ATPSCKMT: variants seen among roughly 807,000 people sequenced by gnomAD.
The protein encoded by ATPSCKMT is ATP synthase c subunit lysine N-methyltransferase.
ATPSCKMT carries 24 observed loss-of-function variants against 24.3 expected under a neutral mutation model. That is an observed-to-expected ratio of 0.99 (90% CI 0.71 to 1.39). The LOEUF (loss-of-function observed/expected upper bound fraction) is 1.39, where lower values mean the gene tolerates loss of function less well. Ranked by LOEUF, ATPSCKMT falls within the 40% of genes most tolerant of loss-of-function variation. The pLI is 0.00. For synonymous variants in ATPSCKMT, 95 were observed against 110.5 expected (o/e 0.86, Z 0.88); for missense variants, 311 against 298.4 (o/e 1.04, Z -0.31).
rs1744518249 is a variant in ATPSCKMT at position 10,239,296 on chromosome 5, A to C, written c.77T>G (p.Phe26Cys). Residue 26 changes from phenylalanine (F) to cysteine (C), a missense_variant, in exon 2 of 5, where the codon TTT becomes TGT. Physicochemically the swap from Phe to Cys is radical, Grantham distance 205. Transcript: ENST00000511437. The stretch of plus-strand genomic sequence containing the variant: ...GCTTTTCTGCAAACTGTTGACTTCA[A>C]AACTTGCAGGTAGAACATGTCTTGA... Reference protein sequence around the residue: ...SQSRHVLPASFEVNSLQKSNW... With the variant: ...SQSRHVLPASCEVNSLQKSNW... 6.2e-7 allele frequency: 1 copy of C among 1,614,212 alleles called. No homozygotes were observed.
At chr5:10,241,804 T>C (rs959349173) in intron 1 of ATPSCKMT, among the ~76,000 whole-genome samples, 9 of 152,338 alleles carry the variant, frequency 5.9e-5, no homozygotes, top group African/African-American at 2.2e-4. Flanking sequence ...TAAAGCAAGT[T>C]ACACAAATAT....
At chr5:10,246,076 G>T (rs112957981) in intron 1 of ATPSCKMT, among the ~76,000 whole-genome samples, 2 of 151,772 alleles carry the variant, frequency 1.3e-5, no homozygotes, top group African/African-American at 4.8e-5. Context: ...TATCACCCCC[G>T]CATCCACCCT....
At chr5:10,239,601 T>C (rs530397877) in intron 1 of ATPSCKMT, among the ~76,000 whole-genome samples, 1 of 152,346 alleles carries the variant, frequency 6.6e-6, no homozygotes, top group East Asian at 1.9e-4. Flanking sequence ...TACTGATTTT[T>C]TGTGTGTCTA....
rs146059817 is a variant in ATPSCKMT at position 10,239,870 on chromosome 5, G to C, written c.17-514C>G. 3.6e-3 allele frequency among the ~76,000 whole-genome samples: 553 copies of C among 152,170 alleles called. 2 individuals carry two copies. Among genetic ancestry groups the C allele is most frequent in the African/African-American group, 0.013 (529 of 41,510 alleles). On this transcript the variant is annotated intron_variant, in intron 1 of 4. Coordinates refer to ENST00000511437, the MANE Select transcript of ATPSCKMT (RefSeq NM_199133.4). ...AAAGTAATAGAAGAGACAAAAATCA[G>C]GTTTTACCAAATATCTTAAATAAGT...
chr5:10,229,819 A>T (rs1388625999), intron 4 of ATPSCKMT, among the ~76,000 whole-genome samples: 1 of 152,174 alleles, frequency 6.6e-6, no homozygotes, highest in Non-Finnish European at 1.5e-5. Context: ...TGTGTATTCG[A>T]ATGCTCGAAT....
intron 4 of ATPSCKMT, 36 bp downstream of exon 4, chr5:10,235,175 T>C: frequency 6.2e-7 from 1 of 1,609,924 alleles, no homozygotes; most frequent in Non-Finnish European, 8.5e-7. Context: ...CAACATCATC[T>C]AACCCCAAAC....
At chr5:10,246,786 A>G (rs1744951581) in intron 1 of ATPSCKMT, among the ~76,000 whole-genome samples, 1 of 152,242 alleles carries the variant, frequency 6.6e-6, no homozygotes, top group African/African-American at 2.4e-5. Flanking sequence ...ACGGCCTCCC[A>G]TCTAGGCAGA....
intron 4 of ATPSCKMT, among the ~76,000 whole-genome samples, chr5:10,229,340 C>T (rs544415839): frequency 2.0e-5 from 3 of 152,272 alleles, no homozygotes; most frequent in Admixed American, 6.5e-5. Flanking sequence ...GTGGCCCTGG[C>T]GGTGGGTCCT....
chr5:10,242,122 C>T (rs1356652031), intron 1 of ATPSCKMT, among the ~76,000 whole-genome samples: 2 of 152,136 alleles, frequency 1.3e-5, no homozygotes, highest in Admixed American at 6.5e-5. Flanking sequence ...GGGGTCGTTG[C>T]GGCAATTTTT....
chr5:10,234,646 G>T (rs1180576367), intron 4 of ATPSCKMT, among the ~76,000 whole-genome samples: 1 of 152,146 alleles, frequency 6.6e-6, no homozygotes, highest in Non-Finnish European at 1.5e-5. Flanking sequence ...TACAGCAAAA[G>T]CTTCCCACCA....
At chr5:10,230,288 TC>T (rs1263185509) in intron 4 of ATPSCKMT, among the ~76,000 whole-genome samples, 5 of 152,164 alleles carry the variant, frequency 3.3e-5, no homozygotes, top group African/African-American at 1.2e-4. Context: ...AAAGTTTTGT[TC>T]CTTGAGGGAA....
At chr5:10,240,066 AAT>A (rs1744560453) in intron 1 of ATPSCKMT, among the ~76,000 whole-genome samples, 1 of 94,226 alleles carries the variant, frequency 1.1e-5, no homozygotes. Flanking sequence ...CTCTACTAAA[AAT>A]ACAAAAAAAA....
Position 10,243,370 on chromosome 5 carries a change from G to A in ATPSCKMT, c.17-4014C>T, listed in dbSNP as rs2578627. Reference sequence around the variant, plus strand: ...GTGGTGGCACGCCCCTGTAATCCCAGCTACTCGGGAGGCTGAGGCAGGAGA... The same window carrying A: ...GTGGTGGCACGCCCCTGTAATCCCAACTACTCGGGAGGCTGAGGCAGGAGA... On this transcript the variant is annotated intron_variant, in intron 1 of 4. Transcript: ENST00000511437. Among the ~76,000 whole-genome samples the A allele has an allele frequency of 7.6e-4, 115 of 152,254 alleles. 2 individuals are homozygous for A. In the East Asian group the frequency reaches 0.019, roughly 26 times the overall value.
rs987871412 is a variant in ATPSCKMT, at chr5:10,227,310, G to C, written c.*131C>G. 7.5e-6 allele frequency: 7 copies of C among 934,572 alleles called. No homozygotes were observed. In the African/African-American group the frequency reaches 1.2e-4, roughly 15 times the overall value. 57.9% of individuals were successfully genotyped at this position (934,572 alleles called of 1,614,324 possible). A position where few individuals can be genotyped will look rare whatever the true frequency, so the allele number is the denominator to read the frequency against. On this transcript the variant is annotated 3_prime_UTR_variant, in exon 5 of 5. Transcript: ENST00000511437. ...TTTTCTTCGTTTGTTTTCTCCAACA[G>C]TTAAGGAAAGTAATAGTAATTTCTC...
rs766126746 is a variant in ATPSCKMT, at chr5:10,235,196, A to C, written c.495+15T>G. ...CATCTAACCCCAAACAGAGAGCAGG[A>C]AAGTGCATACTCACCATCTGAGGCA... On this transcript the variant is annotated intron_variant, in intron 4 of 4. Transcript: ENST00000511437. The C allele has an allele frequency of 6.2e-7, 1 of 1,613,474 alleles. No individual in the cohort carries two copies.
In ATPSCKMT at chr5:10,236,616, C is replaced by G. The variant is rs958694270; in HGVS notation, c.307-1G>C. 3 of 1,612,628 alleles carry G rather than the reference C, an allele frequency of 1.9e-6. No homozygotes were observed. The highest frequency in any genetic ancestry group is 2.5e-6 in the Non-Finnish European group (3 of 1,179,550). Reference sequence around the variant, plus strand: ...ACCCTTTCTTCGCAGCCGCTATGACCTGTGGAGAGAGGCAGGATTTATTCA... The same window carrying G: ...ACCCTTTCTTCGCAGCCGCTATGACGTGTGGAGAGAGGCAGGATTTATTCA... On this transcript the variant is annotated splice_acceptor_variant, in intron 2 of 4. Coordinates refer to ENST00000511437, the MANE Select transcript of ATPSCKMT (RefSeq NM_199133.4). LOFTEE classifies it high-confidence loss of function.
intron 4 of ATPSCKMT, among the ~76,000 whole-genome samples, chr5:10,231,095 T>C (rs1407021319): frequency 6.6e-6 from 1 of 151,966 alleles, no homozygotes; most frequent in Non-Finnish European, 1.5e-5. Context: ...CCCAGCATAG[T>C]TCAAAGCAAC....
chr5:10,227,685 A>G (rs1380199954), intron 4 of ATPSCKMT, 38 bp from the exon 5 acceptor site: 2 of 1,595,446 alleles, frequency 1.3e-6, no homozygotes, highest in Admixed American at 1.7e-5. Flanking sequence ...GTGAGCAGTG[A>G]GTCAGAGGAA....
chr5:10,242,089 G>A (rs1305490447), intron 1 of ATPSCKMT, among the ~76,000 whole-genome samples: 1 of 152,164 alleles, frequency 6.6e-6, no homozygotes, highest in Non-Finnish European at 1.5e-5. Flanking sequence ...GCTCAATGAT[G>A]AGGGTGGTGG....
Sources: gnomAD v4.1 joint callset for allele counts (sites outside exome capture counted in the v4.1 genomes callset) on GRCh38, gnomAD v4.1.1 for gene constraint, MANE v1.5 for transcripts, NCBI Gene and HGNC (gene_info 2026-07-23, HGNC 2026-07-21) for gene names.